NCKAP5: variants seen among roughly 807,000 people sequenced by gnomAD.
NCKAP5 encodes the protein NCK associated protein 5.
NCKAP5 carries 92 observed loss-of-function variants against 167.0 expected under a neutral mutation model. The observed-to-expected ratio is 0.55, with a 90% confidence interval of 0.47 to 0.66. NCKAP5 has a LOEUF of 0.66. Ranked by LOEUF, NCKAP5 falls within the 30% of genes least tolerant of loss-of-function variation. The pLI is 0.00. For synonymous variants in NCKAP5, 891 were observed against 877.4 expected, an observed-to-expected ratio of 1.02 and a Z score of -0.27; for missense variants, 2,378 against 2,315.0, an observed-to-expected ratio of 1.03 and a Z score of -0.56.
chr2:133,459,381 G>C (rs1052961304), intron 3 of NCKAP5, among the ~76,000 whole-genome samples: 2 of 152,016 alleles, frequency 1.3e-5, no homozygotes, highest in African/African-American at 4.8e-5. Flanking sequence ...AGACTTCATG[G>C]GCTAACAATT....
At chr2:132,861,511 A>C (rs548809385) in intron 10 of NCKAP5, among the ~76,000 whole-genome samples, 93 of 152,228 alleles carry the variant, frequency 6.1e-4, no homozygotes, top group Non-Finnish European at 1.1e-3. Flanking sequence ...TAAAAAAAAA[A>C]ATGTCTTCTG....
chr2:133,412,490 C>G (rs1688838045), intron 3 of NCKAP5, among the ~76,000 whole-genome samples: 1 of 152,148 alleles, frequency 6.6e-6, no homozygotes. Flanking sequence ...CTTATTCTGA[C>G]CTTGGCCTTC....
intron 6 of NCKAP5, among the ~76,000 whole-genome samples, chr2:133,049,544 CAA>C (rs59494014): frequency 0.39 from 29,487 of 76,396 alleles, 2,008 homozygotes; most frequent in East Asian, 0.54. Context: ...GACTCTGTCT[CAA>C]AAAAAAAAAA....
At chr2:133,050,542 A>T (rs1434946133) in intron 6 of NCKAP5, among the ~76,000 whole-genome samples, 1 of 152,214 alleles carries the variant, frequency 6.6e-6, no homozygotes, top group Non-Finnish European at 1.5e-5. Context: ...CACACTTTGT[A>T]CTAAATCTAC....
intron 5 of NCKAP5, among the ~76,000 whole-genome samples, chr2:133,142,495 C>T (rs1043562947): frequency 6.6e-6 from 1 of 152,108 alleles, no homozygotes; most frequent in Admixed American, 6.6e-5. Context: ...CTCAGGTGCC[C>T]TTTTTGTAAT....
intron 4 of NCKAP5, among the ~76,000 whole-genome samples, chr2:133,256,659 G>C (rs563654761): frequency 6.6e-6 from 1 of 152,256 alleles, no homozygotes; most frequent in African/African-American, 2.4e-5. Flanking sequence ...GTGCCCACAT[G>C]AACCAGTAGA....
chr2:133,337,791 T>C (rs1683311970), intron 3 of NCKAP5, among the ~76,000 whole-genome samples: 1 of 152,238 alleles, frequency 6.6e-6, no homozygotes, highest in Non-Finnish European at 1.5e-5. Flanking sequence ...TTTAAGCCAC[T>C]CAGTCTGTGG....
chr2:133,309,675 T>A (rs917388913), intron 3 of NCKAP5, among the ~76,000 whole-genome samples: 4 of 152,200 alleles, frequency 2.6e-5, no homozygotes, highest in Non-Finnish European at 5.9e-5. Flanking sequence ...ACATTTAAAG[T>A]GATTAGAGGT....
the NCKAP5 span, among the ~76,000 whole-genome samples, chr2:133,628,438 G>T: frequency 5.9e-5 from 9 of 152,142 alleles, no homozygotes; most frequent in Admixed American, 5.9e-4. Flanking sequence ...GCTAACAAGG[G>T]AAGTGAAGGA....
At chr2:132,845,078 A>G (rs1688563643) in intron 11 of NCKAP5, among the ~76,000 whole-genome samples, 2 of 152,124 alleles carry the variant, frequency 1.3e-5, no homozygotes, top group South Asian at 4.1e-4. Context: ...AGTGTCTTTC[A>G]TAAGTTCATC....
chr2:133,351,688 T>TC (rs1020415633), intron 3 of NCKAP5, among the ~76,000 whole-genome samples: 6 of 152,030 alleles, frequency 3.9e-5, no homozygotes, highest in Admixed American at 1.3e-4. Flanking sequence ...CCCCAGGACT[T>TC]CCCCATCCTC....
chr2:133,486,249 C>A (rs868298356), intron 3 of NCKAP5, among the ~76,000 whole-genome samples: 2 of 152,188 alleles, frequency 1.3e-5, no homozygotes, highest in African/African-American at 2.4e-5. Context: ...ATACTAAATG[C>A]TGAAGTAGGT....
At chr2:133,668,846 C>T in the NCKAP5 span, among the ~76,000 whole-genome samples, 3 of 152,072 alleles carry the variant, frequency 2.0e-5, no homozygotes, top group African/African-American at 4.8e-5. Context: ...TCTCATAATG[C>T]GTATACTGGT....
In NCKAP5 at chr2:133,004,280, C is replaced by T. The variant is rs182194475; in HGVS notation, c.342-10041G>A. Among the ~76,000 whole-genome samples the T allele has an allele frequency of 4.0e-3, 608 of 152,242 alleles. 4 individuals carry two copies. Among genetic ancestry groups the T allele is most frequent in the Middle Eastern group, 0.017 (5 of 294 alleles). ...CAGGTCTACAAAATGGGTTATTTCC[C>T]TAAATACAGCCAGGTTTTAAATTAA... On this transcript the variant is annotated intron_variant, in intron 6 of 19. Coordinates refer to ENST00000409261, the MANE Select transcript of NCKAP5 (RefSeq NM_207363.3).
At chr2:132,779,973 A>G (rs1318892585) in intron 15 of NCKAP5, among the ~76,000 whole-genome samples, 4 of 152,200 alleles carry the variant, frequency 2.6e-5, no homozygotes, top group African/African-American at 7.2e-5. Flanking sequence ...CATAAAGAGA[A>G]TATTTTGTGT....
chr2:133,614,702 G>GGAA, the NCKAP5 span, among the ~76,000 whole-genome samples: 3 of 152,306 alleles, frequency 2.0e-5, no homozygotes, highest in South Asian at 6.2e-4. Context: ...CGGGGAGAAC[G>GGAA]GAACCAAGTT....
chr2:133,039,561 GC>G (rs2079145921), intron 6 of NCKAP5, among the ~76,000 whole-genome samples: 1 of 152,086 alleles, frequency 6.6e-6, no homozygotes, highest in East Asian at 1.9e-4. Context: ...CTATCATCTG[GC>G]AAGGTTTGGC....
intron 4 of NCKAP5, among the ~76,000 whole-genome samples, chr2:133,222,169 A>T (rs928489908): frequency 2.0e-5 from 3 of 152,134 alleles, no homozygotes; most frequent in African/African-American, 4.8e-5. Flanking sequence ...CTGCAAAAAA[A>T]TTACTGAGAA....
chr2:133,397,857 T>TC (rs944392729), intron 3 of NCKAP5, among the ~76,000 whole-genome samples: 2 of 152,066 alleles, frequency 1.3e-5, no homozygotes, highest in African/African-American at 4.8e-5. Context: ...GATATGTAAT[T>TC]CCCCCCAAGA....
Sources: allele counts gnomAD v4.1 joint callset (sites outside exome capture counted in the v4.1 genomes callset), GRCh38; gene constraint gnomAD v4.1.1; transcripts MANE v1.5; gene names NCBI Gene and HGNC (gene_info 2026-07-23, HGNC 2026-07-21).